Variants in KNDC1 observed in about 807,000 individuals in gnomAD.
KNDC1 encodes kinase non-catalytic C-lobe domain-containing protein 1.
Under a neutral mutation model 172.8 loss-of-function variants are expected in KNDC1, and 106 were observed. That is an observed-to-expected ratio of 0.61 (90% CI 0.52 to 0.72). The LOEUF (loss-of-function observed/expected upper bound fraction) is 0.72. Among genes scored for constraint, KNDC1 ranks in the 30% least tolerant of loss-of-function variants. The pLI is 0.00. For missense variants in KNDC1, 2,325 were observed against 2,394.5 expected (o/e 0.97, Z 0.61); for synonymous variants, 1,083 against 1,062.2 (o/e 1.02, Z -0.38).
intron 17 of KNDC1, 40 bp downstream of exon 17, chr10:133,201,938 G>A (rs757287396): frequency 1.8e-5 from 27 of 1,521,166 alleles, no homozygotes; most frequent in East Asian, 9.8e-5. Context: ...GGGGCAGGGC[G>A]TCTCCTTCCA....
chr10:133,208,251 G>C (rs571070680), intron 20 of KNDC1, among the ~76,000 whole-genome samples: 1 of 142,090 alleles, frequency 7.0e-6, no homozygotes, highest in Admixed American at 7.0e-5. Flanking sequence ...ACCCTCTAGA[G>C]AGGGACGTGG....
At position 133,198,769 on chromosome 10, in the gene KNDC1, C is replaced by T; in HGVS notation, c.2261C>T (p.Ser754Leu). The T allele has an allele frequency of 1.3e-6, 2 of 1,584,084 alleles. No homozygotes were observed. Among genetic ancestry groups the T allele is most frequent in the Non-Finnish European group, 1.7e-6 (2 of 1,165,368 alleles). ...CTTGGGGCGTCAGTGCAGCGTGACT[C>T]AGCCCAGGGCCGCCCCTGCCCTCCA... ...EPLGASVQRD[S>L]AQGRPCPPPQ... Residue 754 changes from serine to leucine, a missense_variant, in exon 14 of 30, where the codon TCA (serine) becomes TTA (leucine). Ser to Leu is a moderately radical substitution (Grantham distance 145, BLOSUM62 -2). Transcript: ENST00000304613.
At position 133,185,954 on chromosome 10, in the gene KNDC1, C is replaced by T. The variant is rs1441721186; in HGVS notation, c.626-20C>T. On this transcript the variant is annotated intron_variant, in intron 5 of 29. Transcript: ENST00000304613. ...GGCGGGAGGGGCACCCAGCCGTGAC[C>T]ACATCTTGCTTGTGCCCAGATGTCA... 1 of 1,252,050 alleles carries T rather than the reference C, an allele frequency of 8.0e-7. No homozygotes were observed. The highest frequency in any genetic ancestry group is 1.0e-6 in the Non-Finnish European group (1 of 961,902). The allele number at this position is 1,252,050 out of a possible 1,614,324, so 77.6% of individuals were successfully genotyped here.
At chr10:133,213,912 G>A in intron 25 of KNDC1, 60 bp from the exon 26 acceptor site, 5 of 1,602,982 alleles carry the variant, frequency 3.1e-6, no homozygotes, top group Non-Finnish European at 3.4e-6. Flanking sequence ...AGCAGCCCCA[G>A]GGCCGGGCAG....
chr10:133,199,066 G>A lies in KNDC1; in HGVS notation c.2558G>A (p.Gly853Glu). ...GAGGGCCCCGGGGCCACCCCTGCCG[G>A]GGAACGTGATGACCAGAGTCCAGAC... is the stretch of plus-strand genomic sequence containing the variant. ...EPEGPGATPA[G>E]ERDDQSPDSV... is the part of the protein sequence containing the mutation. Residue 853 changes from glycine to glutamate, a missense_variant, in exon 14 of 30, where the codon GGG becomes GAG. Physicochemically the swap from Gly to Glu is moderately conservative, Grantham distance 98 (BLOSUM62 -2). Coordinates refer to ENST00000304613, the MANE Select transcript of KNDC1 (RefSeq NM_152643.8). 1 of 1,603,700 alleles carries A rather than the reference G, an allele frequency of 6.2e-7. No homozygotes were observed. Among genetic ancestry groups the A allele is most frequent in the Non-Finnish European group, 8.5e-7 (1 of 1,176,142 alleles).
intron 17 of KNDC1, among the ~76,000 whole-genome samples, chr10:133,204,629 C>T (rs1389788780): frequency 6.6e-6 from 1 of 152,226 alleles, no homozygotes; most frequent in East Asian, 1.9e-4. Context: ...CCAGATAGAG[C>T]GGATTCAAGT....
At chr10:133,202,191 C>T (rs1240303111) in intron 17 of KNDC1, 1 of 672,252 alleles carries the variant, frequency 1.5e-6, no homozygotes. Flanking sequence ...ACAGGAGGCC[C>T]CTCCATGCTC....
At chr10:133,202,984 A>C (rs1449501720) in intron 17 of KNDC1, among the ~76,000 whole-genome samples, 20 of 148,064 alleles carry the variant, frequency 1.4e-4, no homozygotes, top group Admixed American at 1.3e-3. Flanking sequence ...GGGAGCACTC[A>C]GCCCCCAAAC....
intron 26 of KNDC1, among the ~76,000 whole-genome samples, chr10:133,216,838 C>G (rs9419028): frequency 0.8 from 122,285 of 152,256 alleles, 49,872 homozygotes; most frequent in Non-Finnish European, 0.88. Context: ...ACCTTGAGAA[C>G]TTATTCAGCC....
Position 133,220,052 on chromosome 10 carries a change from A to G in KNDC1, c.4958A>G (p.Gln1653Arg), listed in dbSNP as rs759916021. The G allele has an allele frequency of 1.3e-6, 2 of 1,562,986 alleles. No homozygotes were observed. Among genetic ancestry groups the G allele is most frequent in the Non-Finnish European group, 1.7e-6 (2 of 1,153,612 alleles). ...PSAHLLAMHI[Q>R]QLETGGFTMT... The stretch of plus-strand genomic sequence containing the variant: ...GCCCACCTCCTGGCCATGCACATCC[A>G]GCAGCTGGAGACAGGCGGCTTCACC... Residue 1653 changes from glutamine (Q) to arginine (R), a missense_variant, in exon 29 of 30, where the codon CAG becomes CGG. By Grantham distance (43) the Gln-to-Arg change is conservative. Coordinates refer to ENST00000304613, the MANE Select transcript of KNDC1 (RefSeq NM_152643.8).
chr10:133,177,665 T>G (rs1853584858), intron 3 of KNDC1, among the ~76,000 whole-genome samples: 1 of 144,180 alleles, frequency 6.9e-6, no homozygotes, highest in African/African-American at 2.5e-5. Flanking sequence ...TACATGCATG[T>G]GGTGTGTATA....
intron 12 of KNDC1, 42 bp from the exon 13 acceptor site, chr10:133,198,295 G>C: frequency 6.6e-7 from 1 of 1,506,436 alleles, no homozygotes; most frequent in Non-Finnish European, 8.9e-7. Context: ...ACGTGCTGGG[G>C]CCACTCCGCC....
intron 20 of KNDC1, among the ~76,000 whole-genome samples, chr10:133,208,710 A>C (rs1845279021): frequency 6.6e-6 from 1 of 151,998 alleles, no homozygotes; most frequent in African/African-American, 2.4e-5. Flanking sequence ...GACACAGCCC[A>C]CGCCCACCGC....
intron 3 of KNDC1, among the ~76,000 whole-genome samples, chr10:133,182,550 A>G (rs1465764956): frequency 6.6e-6 from 1 of 152,218 alleles, no homozygotes; most frequent in African/African-American, 2.4e-5. Flanking sequence ...GTGAAGCCCC[A>G]CAGGCAGCCG....
In KNDC1 at chr10:133,218,909, C is replaced by T; in HGVS notation, c.4756C>T (p.Gln1586Ter). 1 of 1,613,894 alleles carries T rather than the reference C, an allele frequency of 6.2e-7. No individual in the cohort carries two copies. The highest frequency in any genetic ancestry group is 8.5e-7 in the Non-Finnish European group (1 of 1,179,910). Residue 1586 changes from glutamine to a stop codon, truncating the protein, a stop_gained, in exon 27 of 30, where the codon CAG (glutamine) becomes TAG (stop). Coordinates refer to ENST00000304613, the MANE Select transcript of KNDC1 (RefSeq NM_152643.8). LOFTEE classifies it high-confidence loss of function. ...YEQRNFATAM[Q>*]ILSGLEHLAV... ...GCAGAGAAACTTCGCGACAGCCATG[C>T]AGATCCTGAGCGGGCTGGAGCACCT...
rs1852930341 is a variant in KNDC1, at chr10:133,160,536, C to T, written c.69C>T (p.Asp23=). ...EEDGKDLDFY[D]FEPLPTLPED... ...ACGGCAAAGACCTGGACTTCTACGA[C>T]TTCGAGCCGCTGCCCACCCTCCCCG... is the stretch of plus-strand genomic sequence containing the variant. Residue 23 remains aspartate, a synonymous_variant, in exon 1 of 30, where the codon GAC becomes GAT. Transcript: ENST00000304613. 1 of 1,584,934 alleles carries T rather than the reference C, an allele frequency of 6.3e-7. No individual in the cohort carries two copies. Among genetic ancestry groups the T allele is most frequent in the Non-Finnish European group, 8.6e-7 (1 of 1,167,686 alleles).
intron 16 of KNDC1, 95 bp from the exon 17 acceptor site, chr10:133,201,406 G>A (rs370174857): frequency 2.0e-5 from 27 of 1,326,910 alleles, no homozygotes; most frequent in Middle Eastern, 5.5e-4. Flanking sequence ...GAAGGGCGTC[G>A]GGTGTGCAAG....
intron 3 of KNDC1, among the ~76,000 whole-genome samples, chr10:133,176,661 C>T (rs1853546327): frequency 6.6e-6 from 1 of 152,202 alleles, no homozygotes; most frequent in South Asian, 2.1e-4. Context: ...CCATGGAATC[C>T]TCCCTGACCC....
chr10:133,216,545 C>T (rs1330904400), intron 26 of KNDC1, among the ~76,000 whole-genome samples: 7 of 151,942 alleles, frequency 4.6e-5, no homozygotes, highest in East Asian at 3.9e-4. Flanking sequence ...AGGCTGGTGG[C>T]GCACACCTGG....
Sources: gnomAD v4.1 joint callset for allele counts (sites outside exome capture counted in the v4.1 genomes callset) on GRCh38, gnomAD v4.1.1 for gene constraint, MANE v1.5 for transcripts, NCBI Gene and HGNC (gene_info 2026-07-23, HGNC 2026-07-21) for gene names.